The following KLHL1 variants were observed in gnomAD, a reference collection of about 807,000 sequenced individuals.
KLHL1 encodes kelch-like protein 1.
In KLHL1, 47 loss-of-function variants were observed where a neutral mutation model predicts 77.7. The ratio of observed to expected loss-of-function variants is 0.60; its 90% CI spans 0.48 to 0.77. KLHL1 has a LOEUF of 0.77. Among genes scored for constraint, KLHL1 ranks in the 30% least tolerant of loss-of-function variants. The pLI, the probability that KLHL1 is intolerant of heterozygous loss-of-function variation, is 0.00. For synonymous variants in KLHL1, 360 were observed against 325.2 expected (o/e 1.11, Z -1.15); for missense variants, 925 against 910.8 (o/e 1.02, Z -0.20).
intron 1 of KLHL1, among the ~76,000 whole-genome samples, chr13:69,994,929 T>C (rs1039252546): frequency 1.3e-5 from 2 of 152,100 alleles, no homozygotes; most frequent in African/African-American, 4.8e-5. Flanking sequence ...CTTTTAAAGC[T>C]CTCTGCTAAG....
chr13:69,938,027 G>A (rs1883238789), intron 4 of KLHL1, among the ~76,000 whole-genome samples: 1 of 151,820 alleles, frequency 6.6e-6, no homozygotes, highest in South Asian at 2.1e-4. Context: ...AAGCAGTTAA[G>A]GAGAAAAAAA....
intron 1 of KLHL1, among the ~76,000 whole-genome samples, chr13:69,980,542 G>A (rs1884676201): frequency 1.3e-5 from 2 of 151,888 alleles, no homozygotes; most frequent in Admixed American, 1.3e-4. Context: ...TTCTTCTATC[G>A]CATTCCACAC....
At chr13:69,903,711 G>A (rs1283877644) in intron 4 of KLHL1, among the ~76,000 whole-genome samples, 2 of 119,498 alleles carry the variant, frequency 1.7e-5, no homozygotes, top group African/African-American at 3.2e-5. Flanking sequence ...GTGGAATCTC[G>A]GCTCACTGCA....
intron 7 of KLHL1, among the ~76,000 whole-genome samples, chr13:69,760,988 G>A (rs1358779410): frequency 6.6e-6 from 1 of 152,090 alleles, no homozygotes; most frequent in Non-Finnish European, 1.5e-5. Flanking sequence ...TGTTGCCAGA[G>A]AGCAATGAAC....
intron 4 of KLHL1, chr13:69,894,996 A>T: frequency 2.0e-6 from 1 of 503,290 alleles, no homozygotes; most frequent in Non-Finnish European, 4.0e-6. Context: ...TCACAAATGT[A>T]GACACGGTGG....
At chr13:70,052,578 T>A (rs1257136655) in intron 1 of KLHL1, among the ~76,000 whole-genome samples, 1 of 151,964 alleles carries the variant, frequency 6.6e-6, no homozygotes, top group African/African-American at 2.4e-5. Context: ...TAATATTAGT[T>A]AATTTTAAGT....
At chr13:69,749,046 G>A (rs76275512) in intron 7 of KLHL1, among the ~76,000 whole-genome samples, 8,329 of 151,938 alleles carry the variant, frequency 0.055, 314 homozygotes, top group African/African-American at 0.11. Flanking sequence ...ATATATTTTT[G>A]TAGATTGCCA....
chr13:69,751,112 A>G (rs376847916), intron 7 of KLHL1, among the ~76,000 whole-genome samples: 53 of 141,084 alleles, frequency 3.8e-4, no homozygotes, highest in Non-Finnish European at 3.3e-4. Flanking sequence ...TCATGTGTGT[A>G]TGTGTGTGTG....
chr13:69,822,874 C>T (rs999055634), intron 6 of KLHL1, among the ~76,000 whole-genome samples: 4 of 151,962 alleles, frequency 2.6e-5, no homozygotes, highest in African/African-American at 9.7e-5. Flanking sequence ...ATTTAGAAAA[C>T]AATGGCTAAT....
At chr13:69,924,345 G>A (rs1051045923) in intron 4 of KLHL1, among the ~76,000 whole-genome samples, 2 of 152,120 alleles carry the variant, frequency 1.3e-5, no homozygotes, top group African/African-American at 2.4e-5. Context: ...GCCCATGGCT[G>A]TCCATGAAGC....
chr13:69,764,923 T>C (rs1593808118), intron 7 of KLHL1, among the ~76,000 whole-genome samples: 2 of 141,426 alleles, frequency 1.4e-5, no homozygotes, highest in East Asian at 2.1e-4. Flanking sequence ...TTCATGTATA[T>C]CTTTGCTTTT....
intron 6 of KLHL1, among the ~76,000 whole-genome samples, chr13:69,807,802 T>A (rs965242903): frequency 1.3e-5 from 2 of 151,322 alleles, no homozygotes; most frequent in African/African-American, 4.9e-5. Context: ...GTGCGAGGAG[T>A]GTTGCTGAAG....
chr13:69,902,366 G>T (rs1881896707), intron 4 of KLHL1, among the ~76,000 whole-genome samples: 1 of 152,072 alleles, frequency 6.6e-6, no homozygotes, highest in African/African-American at 2.4e-5. Flanking sequence ...ACAAAATATA[G>T]AAAGCTCATG....
At chr13:70,072,833 A>G (rs1887168748) in intron 1 of KLHL1, among the ~76,000 whole-genome samples, 1 of 152,056 alleles carries the variant, frequency 6.6e-6, no homozygotes, top group South Asian at 2.1e-4. Flanking sequence ...AAAAAACTAC[A>G]CCTAGGATCA....
chr13:69,803,303 T>TA (rs11418677), intron 6 of KLHL1, among the ~76,000 whole-genome samples: 56,042 of 151,880 alleles, frequency 0.37, 10,715 homozygotes, highest in African/African-American at 0.47. Flanking sequence ...TTTTACATAA[T>TA]AAAAACAAAT....
At chr13:69,799,939 C>T (rs1877301270) in intron 6 of KLHL1, among the ~76,000 whole-genome samples, 1 of 152,180 alleles carries the variant, frequency 6.6e-6, no homozygotes, top group Admixed American at 6.5e-5. Flanking sequence ...CTATTGTGAA[C>T]TGTGCATGGG....
chr13:69,939,181 G>A (rs1883272230), intron 4 of KLHL1, among the ~76,000 whole-genome samples: 1 of 150,808 alleles, frequency 6.6e-6, no homozygotes, highest in Non-Finnish European at 1.5e-5. Flanking sequence ...AATATGATGG[G>A]TATGAGACTT....
intron 1 of KLHL1, among the ~76,000 whole-genome samples, chr13:70,036,070 AATC>A (rs1886231863): frequency 6.6e-6 from 1 of 151,956 alleles, no homozygotes; most frequent in Admixed American, 6.6e-5. Flanking sequence ...AGGAAATAAT[AATC>A]ATACTTCTAA....
At chr13:69,873,116 C>G (rs943893790) in intron 5 of KLHL1, among the ~76,000 whole-genome samples, 3 of 152,118 alleles carry the variant, frequency 2.0e-5, no homozygotes, top group Admixed American at 6.6e-5. Context: ...CCAAATTCCT[C>G]CTTGCCGGAA....
Sources: gnomAD v4.1 joint callset for allele counts (sites outside exome capture counted in the v4.1 genomes callset) on GRCh38, gnomAD v4.1.1 for gene constraint, MANE v1.5 for transcripts, NCBI Gene and HGNC (gene_info 2026-07-23, HGNC 2026-07-21) for gene names.